The following RAB3IP variants were observed in gnomAD, a reference collection of about 807,000 sequenced individuals.
RAB3IP encodes RAB3A interacting protein.
In RAB3IP, 36 loss-of-function variants were observed where a neutral mutation model predicts 59.1. That is an observed-to-expected ratio of 0.61 (90% CI 0.47 to 0.80). The LOEUF (loss-of-function observed/expected upper bound fraction) is 0.80. Ranked by LOEUF, RAB3IP falls within the 30% of genes least tolerant of loss-of-function variation. The pLI is 0.00. For missense variants in RAB3IP, 511 were observed against 536.0 expected (o/e 0.95, Z 0.46); for synonymous variants, 207 against 191.2 (o/e 1.08, Z -0.68).
At chr12:69,741,647 T>C (rs1459731357) in intron 1 of RAB3IP, among the ~76,000 whole-genome samples, 1 of 152,218 alleles carries the variant, frequency 6.6e-6, no homozygotes, top group Non-Finnish European at 1.5e-5. Flanking sequence ...TTATCCCTAT[T>C]TTGTAGTTGA....
intron 10 of RAB3IP, among the ~76,000 whole-genome samples, chr12:69,813,883 C>T (rs541896001): frequency 6.6e-6 from 1 of 152,002 alleles, no homozygotes; most frequent in South Asian, 2.1e-4. Flanking sequence ...AGAAGTTAGT[C>T]ACGCTGATAA....
intron 3 of RAB3IP, among the ~76,000 whole-genome samples, chr12:69,765,397 G>A (rs1016838043): frequency 2.0e-5 from 3 of 152,076 alleles, no homozygotes; most frequent in South Asian, 2.1e-4. Flanking sequence ...TGAGATGATC[G>A]TATGGCTTTT....
rs184281515 is a variant in RAB3IP, at chr12:69,767,198, G to A, written c.510+10535G>A. ...TTCCTTTCTTTTCCTCCCTATTGGG[G>A]TGTGACTGTAGAGAATTCTGGGTAG... On this transcript the variant is annotated intron_variant, in intron 3 of 10. Coordinates refer to ENST00000247833, the MANE Select transcript of RAB3IP (RefSeq NM_022456.5). Among the ~76,000 whole-genome samples the A allele has an allele frequency of 3.3e-3, 496 of 151,976 alleles. 5 individuals are homozygous for A. The highest frequency in any genetic ancestry group is 0.011 in the African/African-American group (444 of 41,386).
At position 69,800,959 on chromosome 12, in the gene RAB3IP, G is replaced by A. The variant is rs1469311399; in HGVS notation, c.1017+622G>A. On this transcript the variant is annotated intron_variant, in intron 7 of 10. Coordinates refer to ENST00000247833, the MANE Select transcript of RAB3IP (RefSeq NM_022456.5). ...AGTCTTTCAAGCATTTAATTATAAC[G>A]TTGCTTACCAGGAGAAGTTAAGATG... Among the ~76,000 whole-genome samples the A allele has an allele frequency of 3.9e-5, 6 of 152,158 alleles. No individual in the cohort carries two copies. The South Asian group carries it at 6.2e-4, about 16-fold the overall frequency.
chr12:69,779,310 TG>T (rs1323227815), intron 3 of RAB3IP: 1 of 145,378 alleles, frequency 6.9e-6, no homozygotes, highest in Non-Finnish European at 1.5e-5. Context: ...CTGCGCCCAC[TG>T]TCTGGCACTC....
chr12:69,797,500 T>TA (rs1213012776), intron 6 of RAB3IP, among the ~76,000 whole-genome samples: 1 of 125,602 alleles, frequency 8.0e-6, no homozygotes. Context: ...TTTTTTTTTT[T>TA]AATAAATTTG....
intron 5 of RAB3IP, among the ~76,000 whole-genome samples, chr12:69,794,902 T>G (rs112548731): frequency 6.6e-6 from 1 of 152,210 alleles, no homozygotes; most frequent in Non-Finnish European, 1.5e-5. Flanking sequence ...AAAATTCACA[T>G]AAATGTTAGA....
chr12:69,742,804 C>T (rs186104390), intron 1 of RAB3IP, among the ~76,000 whole-genome samples: 1 of 152,260 alleles, frequency 6.6e-6, no homozygotes, highest in East Asian at 1.9e-4. Context: ...TTTCAACTTA[C>T]CACTAAATGA....
intron 8 of RAB3IP, among the ~76,000 whole-genome samples, chr12:69,802,890 CCA>C (rs1878615941): frequency 6.6e-6 from 1 of 152,162 alleles, no homozygotes; most frequent in South Asian, 2.1e-4. Flanking sequence ...CTCCCTCAAG[CCA>C]CACGTGTAGC....
At chr12:69,794,066 G>A (rs1020051578) in intron 4 of RAB3IP, among the ~76,000 whole-genome samples, 1 of 152,144 alleles carries the variant, frequency 6.6e-6, no homozygotes, top group African/African-American at 2.4e-5. Flanking sequence ...CCTCCTGTAT[G>A]TCTTTGCTTT....
intron 3 of RAB3IP, among the ~76,000 whole-genome samples, chr12:69,772,668 GAA>G (rs1185369456): frequency 6.6e-6 from 1 of 152,112 alleles, no homozygotes; most frequent in Non-Finnish European, 1.5e-5. Context: ...AGAAAAGAAA[GAA>G]AACGTACACT....
intron 3 of RAB3IP, among the ~76,000 whole-genome samples, chr12:69,765,029 G>C (rs1043872877): frequency 3.3e-5 from 5 of 152,162 alleles, no homozygotes; most frequent in Admixed American, 6.5e-5. Flanking sequence ...ATCAGTTCCA[G>C]GAACCTTTTG....
chr12:69,755,106 A>G (rs1311791633), intron 1 of RAB3IP, among the ~76,000 whole-genome samples: 1 of 151,984 alleles, frequency 6.6e-6, no homozygotes, highest in Non-Finnish European at 1.5e-5. Flanking sequence ...GAGTGGGAGA[A>G]GGTCTTGCCC....
rs1411457483 is a variant in RAB3IP, at chr12:69,821,873, C to G, written c.*6427C>G. 1 of 152,194 alleles carries G rather than the reference C, an allele frequency of 6.6e-6. No homozygotes were observed. The highest frequency in any genetic ancestry group is 1.5e-5 in the Non-Finnish European group (1 of 68,054). 9.4% of individuals were successfully genotyped at this position (152,194 alleles called of 1,614,324 possible). A position where few individuals can be genotyped will look rare whatever the true frequency, so the allele number is the denominator to read the frequency against. On this transcript the variant is annotated 3_prime_UTR_variant, in exon 11 of 11. Transcript: ENST00000247833. ...TCTCCCTGACACCAAGGCTAAGGGA[C>G]CCACTTTACTCACTTATCTGCTGGG...
chr12:69,766,938 C>T (rs772437565), intron 3 of RAB3IP, among the ~76,000 whole-genome samples: 3 of 152,138 alleles, frequency 2.0e-5, no homozygotes, highest in African/African-American at 4.8e-5. Flanking sequence ...ATTGATCTTC[C>T]TTGCAATTCA....
chr12:69,756,684 T>G, intron 3 of RAB3IP, 21 bp downstream of exon 3: 1 of 1,591,588 alleles, frequency 6.3e-7, no homozygotes, highest in South Asian at 1.1e-5. Context: ...AGATATTTTA[T>G]TCTTCCATAT....
chr12:69,764,363 C>G (rs1871856590), intron 3 of RAB3IP, among the ~76,000 whole-genome samples: 1 of 152,092 alleles, frequency 6.6e-6, no homozygotes, highest in Non-Finnish European at 1.5e-5. Flanking sequence ...CTGCATATGC[C>G]TAGCCAGCTA....
chr12:69,789,280 G>A (rs1876228276), intron 4 of RAB3IP, among the ~76,000 whole-genome samples: 1 of 151,264 alleles, frequency 6.6e-6, no homozygotes, highest in South Asian at 2.1e-4. Flanking sequence ...GAGAAGAGAG[G>A]ACTCAAATCA....
rs997907182 is a variant in RAB3IP, at chr12:69,815,945, T to TA, written c.*500dup. 1 of 152,654 alleles carries TA rather than the reference T, an allele frequency of 6.6e-6. No individual in the cohort carries two copies. The highest frequency in any genetic ancestry group is 2.4e-5 in the African/African-American group (1 of 41,460). 9.5% of individuals were successfully genotyped at this position (152,654 alleles called of 1,614,324 possible). A position where few individuals can be genotyped will look rare whatever the true frequency, so the allele number is the denominator to read the frequency against. On this transcript the variant is annotated 3_prime_UTR_variant, in exon 11 of 11. Coordinates refer to ENST00000247833, the MANE Select transcript of RAB3IP (RefSeq NM_022456.5). ...TCAAAAAAGATTTTATTTGAAGAAATACTTCTGCTGCTACAAAGTTTGAAA... is the reference window on the plus strand; with the variant it reads ...TCAAAAAAGATTTTATTTGAAGAAATAACTTCTGCTGCTACAAAGTTTGAAA...
Sources: gnomAD v4.1 joint callset for allele counts (sites outside exome capture counted in the v4.1 genomes callset) on GRCh38, gnomAD v4.1.1 for gene constraint, MANE v1.5 for transcripts, NCBI Gene and HGNC (gene_info 2026-07-23, HGNC 2026-07-21) for gene names.